FAM227B: variants seen among roughly 807,000 people sequenced by gnomAD.
The protein encoded by FAM227B is family with sequence similarity 227 member B, also known as protein FAM227B.
Under a neutral mutation model 73.8 loss-of-function variants are expected in FAM227B, and 88 were observed. The ratio of observed to expected loss-of-function variants is 1.19; its 90% CI spans 1.00 to 1.42. The LOEUF is 1.42. Among genes scored for constraint, FAM227B ranks in the 40% most tolerant of loss-of-function variants. The probability of loss-of-function intolerance (pLI) is 0.00; values close to 1 mark genes in which losing one functional copy is unlikely to be tolerated. For synonymous variants in FAM227B, 210 were observed against 190.5 expected (o/e 1.10, Z -0.84); for missense variants, 632 against 590.9 (o/e 1.07, Z -0.72).
intron 11 of FAM227B, among the ~76,000 whole-genome samples, chr15:49,505,260 A>G (rs1479167997): frequency 6.6e-6 from 1 of 152,170 alleles, no homozygotes; most frequent in Non-Finnish European, 1.5e-5. Context: ...TGGTGGCAAG[A>G]AGGAATTACA....
intron 11 of FAM227B, chr15:49,487,172 G>C (rs1006447106): frequency 6.6e-6 from 1 of 151,794 alleles, no homozygotes; most frequent in Admixed American, 6.6e-5. Context: ...GACTCAAAAG[G>C]AGAAAAGAAA....
chr15:49,521,708 A>T (rs1363428358), intron 10 of FAM227B, among the ~76,000 whole-genome samples: 1 of 152,144 alleles, frequency 6.6e-6, no homozygotes, highest in Non-Finnish European at 1.5e-5. Flanking sequence ...TAGCTACCAG[A>T]TGGGTGTTTT....
At chr15:49,574,591 AATCTC>A (rs1235402305) in intron 8 of FAM227B, 4 of 152,236 alleles carry the variant, frequency 2.6e-5, no homozygotes, top group Non-Finnish European at 4.4e-5. Context: ...GAGTCAATTA[AATCTC>A]TTTCCTTCAT....
chr15:49,503,990 G>A (rs952496399), intron 11 of FAM227B, among the ~76,000 whole-genome samples: 29 of 151,918 alleles, frequency 1.9e-4, no homozygotes, highest in African/African-American at 4.4e-4. Flanking sequence ...TGTTTATTGC[G>A]GCACTATTCA....
chr15:49,448,768 C>A (rs2052454968), intron 11 of FAM227B, among the ~76,000 whole-genome samples: 1 of 151,702 alleles, frequency 6.6e-6, no homozygotes, highest in African/African-American at 2.4e-5. Flanking sequence ...AAGGCTCCCC[C>A]AAATACCCAG....
In FAM227B at chr15:49,603,934, T is replaced by C. The variant is rs143212771; in HGVS notation, c.105+7281A>G. Reference sequence around the variant, plus strand: ...CATATGGGTTTTGTCCTTCATTCTGTTGATATGACATATCACGCTGACTGA... The same window carrying C: ...CATATGGGTTTTGTCCTTCATTCTGCTGATATGACATATCACGCTGACTGA... On this transcript the variant is annotated intron_variant, in intron 3 of 15. Coordinates refer to ENST00000299338, the MANE Select transcript of FAM227B (RefSeq NM_152647.3). Among the ~76,000 whole-genome samples, 860 of 152,340 alleles carry C rather than the reference T, an allele frequency of 5.6e-3. 10 individuals are homozygous for C. The highest frequency in any genetic ancestry group is 0.02 in the African/African-American group (830 of 41,578).
intron 11 of FAM227B, among the ~76,000 whole-genome samples, chr15:49,378,874 G>T (rs1230468236): frequency 6.6e-6 from 1 of 152,086 alleles, no homozygotes; most frequent in Non-Finnish European, 1.5e-5. Flanking sequence ...TCAATGTCAT[G>T]CTCTAGATCT....
intron 9 of FAM227B, among the ~76,000 whole-genome samples, chr15:49,563,961 C>T (rs1267881512): frequency 6.6e-6 from 1 of 151,984 alleles, no homozygotes; most frequent in Non-Finnish European, 1.5e-5. Flanking sequence ...GCAAAAGCAA[C>T]TACAACAAAA....
At chr15:49,607,769 G>A (rs535134791) in intron 3 of FAM227B, among the ~76,000 whole-genome samples, 3 of 151,008 alleles carry the variant, frequency 2.0e-5, no homozygotes, top group African/African-American at 7.3e-5. Context: ...TATAAAGAAG[G>A]TGATTTTTAA....
At chr15:49,345,290 C>T (rs1484166876) in intron 13 of FAM227B, among the ~76,000 whole-genome samples, 2 of 152,066 alleles carry the variant, frequency 1.3e-5, no homozygotes, top group Non-Finnish European at 1.5e-5. Context: ...GGTAGACATA[C>T]GTTCCTCATA....
At position 49,338,113 on chromosome 15, in the gene FAM227B, G is replaced by T. The variant is rs543748071; in HGVS notation, c.1272-2617C>A. On this transcript the variant is annotated intron_variant, in intron 13 of 15. Coordinates refer to ENST00000299338, the MANE Select transcript of FAM227B (RefSeq NM_152647.3). ...CCATTGTTGTGTCTTTTAATTGGGG[G>T]CATTTAGCCCATTTACATTTAAGGT... Among the ~76,000 whole-genome samples the T allele has an allele frequency of 2.7e-3, 417 of 152,224 alleles. 3 individuals carry two copies. The highest frequency in any genetic ancestry group is 9.8e-3 in the African/African-American group (409 of 41,528).
At chr15:49,465,310 T>C (rs534488859) in intron 11 of FAM227B, among the ~76,000 whole-genome samples, 2 of 151,134 alleles carry the variant, frequency 1.3e-5, no homozygotes, top group Non-Finnish European at 3.0e-5. Flanking sequence ...TTTTCTTTTT[T>C]TTTTTTTTGG....
At chr15:49,329,452 A>G (rs905164159) in intron 15 of FAM227B, 1 of 984,658 alleles carries the variant, frequency 1.0e-6, no homozygotes, top group African/African-American at 1.7e-5. Context: ...TGATTTCATT[A>G]GCTCATTAAT....
At chr15:49,458,795 A>T (rs1251469799) in intron 11 of FAM227B, among the ~76,000 whole-genome samples, 1 of 152,134 alleles carries the variant, frequency 6.6e-6, no homozygotes, top group Non-Finnish European at 1.5e-5. Context: ...TATAAATTCA[A>T]TTTATAAACA....
At chr15:49,337,954 G>T (rs916027879) in intron 13 of FAM227B, among the ~76,000 whole-genome samples, 3 of 152,202 alleles carry the variant, frequency 2.0e-5, no homozygotes, top group Admixed American at 6.5e-5. Flanking sequence ...GAACACTGCC[G>T]CAATAAACAT....
intron 9 of FAM227B, among the ~76,000 whole-genome samples, chr15:49,555,987 TTC>T (rs2073627918): frequency 6.6e-6 from 1 of 152,236 alleles, no homozygotes; most frequent in South Asian, 2.1e-4. Flanking sequence ...TTTCAATGAA[TTC>T]TTTTTAATCT....
chr15:49,497,924 G>A (rs879586371), intron 11 of FAM227B, among the ~76,000 whole-genome samples: 1 of 152,164 alleles, frequency 6.6e-6, no homozygotes, highest in African/African-American at 2.4e-5. Flanking sequence ...GCTATTTCTA[G>A]AGAAATTCGT....
intron 11 of FAM227B, among the ~76,000 whole-genome samples, chr15:49,491,554 C>T (rs2057096001): frequency 6.6e-6 from 1 of 151,846 alleles, no homozygotes; most frequent in Non-Finnish European, 1.5e-5. Flanking sequence ...TAGAATATCT[C>T]TACTTCCTAC....
intron 8 of FAM227B, among the ~76,000 whole-genome samples, chr15:49,570,939 T>C (rs575465582): frequency 2.4e-4 from 35 of 148,068 alleles, no homozygotes; most frequent in Non-Finnish European, 1.0e-4. Context: ...ATATATATTA[T>C]ATATAATTAT....
Sources: gnomAD v4.1 joint callset for allele counts (sites outside exome capture counted in the v4.1 genomes callset) on GRCh38, gnomAD v4.1.1 for gene constraint, MANE v1.5 for transcripts, NCBI Gene and HGNC (gene_info 2026-07-23, HGNC 2026-07-21) for gene names.